Variants in PRKG1 observed in about 807,000 individuals in gnomAD.
PRKG1 encodes protein kinase cGMP-dependent 1, also known as cGMP-dependent protein kinase 1.
A neutral mutation model predicts 88.1 loss-of-function variants in PRKG1; 35 were observed. The observed-to-expected ratio is 0.40, with a 90% confidence interval of 0.30 to 0.53. The LOEUF (loss-of-function observed/expected upper bound fraction) is 0.53. Among genes scored for constraint, PRKG1 ranks in the 20% least tolerant of loss-of-function variants. The pLI, the probability that PRKG1 is intolerant of heterozygous loss-of-function variation, is 0.59. For synonymous variants in PRKG1, 303 were observed against 292.5 expected (o/e 1.04, Z -0.37); for missense variants, 540 against 839.8 (o/e 0.64, Z 4.41).
At chr10:51,967,300 C>G (rs11000320) in intron 5 of PRKG1, among the ~76,000 whole-genome samples, 32,926 of 151,916 alleles carry the variant, frequency 0.22, 4,085 homozygotes, top group Admixed American at 0.29. Context: ...TCTCAGCAAA[C>G]TATTGCAAGG....
intron 10 of PRKG1, 53 bp from the exon 11 acceptor site, chr10:52,271,297 G>A: frequency 1.9e-6 from 3 of 1,563,552 alleles, no homozygotes; most frequent in Non-Finnish European, 1.8e-6. Flanking sequence ...GGATAATAAT[G>A]CACTCTTACA....
chr10:52,044,969 C>G (rs930597774), intron 5 of PRKG1, among the ~76,000 whole-genome samples: 6 of 152,164 alleles, frequency 3.9e-5, no homozygotes, highest in Admixed American at 2.0e-4. Flanking sequence ...CTCCAAACTG[C>G]TTGAGAGGCA....
chr10:52,209,624 A>G (rs1256099202), intron 9 of PRKG1, among the ~76,000 whole-genome samples: 1 of 152,070 alleles, frequency 6.6e-6, no homozygotes, highest in Non-Finnish European at 1.5e-5. Flanking sequence ...TTTTGCCAGA[A>G]GTCATAATCT....
chr10:51,999,217 AC>A (rs1844531311), intron 5 of PRKG1, among the ~76,000 whole-genome samples: 1 of 152,166 alleles, frequency 6.6e-6, no homozygotes, highest in African/African-American at 2.4e-5. Flanking sequence ...ACAGCTTACT[AC>A]CCTTTACTCC....
chr10:51,422,757 C>A (rs1016180183), intron 2 of PRKG1, among the ~76,000 whole-genome samples: 1 of 152,080 alleles, frequency 6.6e-6, no homozygotes, highest in African/African-American at 2.4e-5. Flanking sequence ...GGTGACCCAG[C>A]ACTTCACGGG....
chr10:52,183,554 A>G (rs1019866968), intron 9 of PRKG1, among the ~76,000 whole-genome samples: 1 of 152,208 alleles, frequency 6.6e-6, no homozygotes, highest in African/African-American at 2.4e-5. Context: ...GGCCAGAGTC[A>G]TAGCTAATCC....
chr10:51,805,847 G>T (rs957566068), intron 4 of PRKG1, among the ~76,000 whole-genome samples: 7 of 152,042 alleles, frequency 4.6e-5, no homozygotes, highest in African/African-American at 1.7e-4. Context: ...GTGATATCAA[G>T]TAATAATATC....
chr10:51,042,609 C>G (rs1316026732), intron 1 of PRKG1, among the ~76,000 whole-genome samples: 1 of 152,164 alleles, frequency 6.6e-6, no homozygotes, highest in East Asian at 1.9e-4. Flanking sequence ...AGAATTTCCA[C>G]TAAGATCTGT....
intron 2 of PRKG1, among the ~76,000 whole-genome samples, chr10:51,439,889 A>C (rs1839050489): frequency 6.6e-6 from 1 of 151,946 alleles, no homozygotes; most frequent in South Asian, 2.1e-4. Flanking sequence ...TTTTAACACA[A>C]GAGCTTTTGT....
intron 7 of PRKG1, among the ~76,000 whole-genome samples, chr10:52,115,626 C>T (rs1847668707): frequency 6.6e-6 from 1 of 152,126 alleles, no homozygotes; most frequent in Non-Finnish European, 1.5e-5. Context: ...ATCTCATAGT[C>T]AGGGTTGGGA....
chr10:51,098,399 GGA>G (rs1844596094), intron 1 of PRKG1, among the ~76,000 whole-genome samples: 1 of 152,164 alleles, frequency 6.6e-6, no homozygotes, highest in Non-Finnish European at 1.5e-5. Context: ...GTCCTGAATT[GGA>G]GAGAGTGTGG....
chr10:51,763,353 T>C (rs909286305), intron 3 of PRKG1, among the ~76,000 whole-genome samples: 3 of 152,036 alleles, frequency 2.0e-5, no homozygotes, highest in African/African-American at 7.2e-5. Context: ...CACCTCAGCC[T>C]CCCAAGTAGC....
At chr10:52,062,960 T>A in intron 7 of PRKG1, 1 of 598,230 alleles carries the variant, frequency 1.7e-6, no homozygotes. Flanking sequence ...TTACTCAGAA[T>A]CATTAAGATA....
chr10:51,165,574 T>G (rs1224184731), intron 2 of PRKG1, among the ~76,000 whole-genome samples: 1 of 152,056 alleles, frequency 6.6e-6, no homozygotes. Flanking sequence ...ATGGACTAAA[T>G]GCTCCAATTA....
chr10:51,782,477 G>A (rs1838617895), intron 3 of PRKG1, among the ~76,000 whole-genome samples: 1 of 152,228 alleles, frequency 6.6e-6, no homozygotes, highest in East Asian at 1.9e-4. Flanking sequence ...TATTACAGAT[G>A]AAACTGAAGC....
At chr10:51,885,065 G>T (rs1841535645) in intron 4 of PRKG1, among the ~76,000 whole-genome samples, 1 of 152,148 alleles carries the variant, frequency 6.6e-6, no homozygotes, top group Admixed American at 6.5e-5. Context: ...GACATACCGT[G>T]CAATCTTAGC....
At chr10:52,012,245 C>CTTTTTTTTTTTTTTTTTTTTTTTTTTTTT (rs34119029) in intron 5 of PRKG1, among the ~76,000 whole-genome samples, 1 of 139,186 alleles carries the variant, frequency 7.2e-6, no homozygotes, top group Non-Finnish European at 1.5e-5. Flanking sequence ...ATTTATTTGC[C>CTTTTTTTTTTTTTTTTTTTTTTTTTTTTT]TTTTTTTTTT....
At chr10:51,733,027 G>A (rs1458979365) in intron 3 of PRKG1, among the ~76,000 whole-genome samples, 1 of 151,872 alleles carries the variant, frequency 6.6e-6, no homozygotes, top group Non-Finnish European at 1.5e-5. Flanking sequence ...GTAGAGGAGA[G>A]AGAGAGAGAG....
intron 1 of PRKG1, among the ~76,000 whole-genome samples, 173 bp from the exon 2 acceptor site, chr10:51,152,991 T>G (rs78240328): frequency 6.8e-6 from 1 of 148,070 alleles, no homozygotes; most frequent in Non-Finnish European, 1.5e-5. Flanking sequence ...TTTTTTTTTT[T>G]TTGTTTTGCT....
Sources: allele counts gnomAD v4.1 joint callset (sites outside exome capture counted in the v4.1 genomes callset), GRCh38; gene constraint gnomAD v4.1.1; transcripts MANE v1.5; gene names NCBI Gene and HGNC (gene_info 2026-07-23, HGNC 2026-07-21).